The following KCNH5 variants were observed in gnomAD, a reference collection of about 807,000 sequenced individuals.
The protein encoded by KCNH5 is potassium voltage-gated channel subfamily H member 5, also known as voltage-gated delayed rectifier potassium channel KCNH5.
In KCNH5, 46 loss-of-function variants were observed where a neutral mutation model predicts 96.1. The observed-to-expected ratio is 0.48, with a 90% CI of 0.38 to 0.61. The LOEUF is 0.61. Ranked by LOEUF, KCNH5 falls within the 20% of genes least tolerant of loss-of-function variation. The probability of loss-of-function intolerance (pLI) is 0.00; values close to 1 mark genes in which losing one functional copy is unlikely to be tolerated. For missense variants in KCNH5, 907 were observed against 1,225.8 expected (o/e 0.74, Z 3.88); for synonymous variants, 439 against 449.8 (o/e 0.98, Z 0.30).
intron 7 of KCNH5, among the ~76,000 whole-genome samples, chr14:62,874,131 C>A (rs956592013): frequency 4.6e-5 from 7 of 152,024 alleles, no homozygotes; most frequent in African/African-American, 1.7e-4. Flanking sequence ...GAGGTTTTTG[C>A]GGGACACTTT....
At chr14:62,949,998 A>T (rs1043717509) in intron 7 of KCNH5, 135 bp downstream of exon 7, 7 of 697,258 alleles carry the variant, frequency 1.0e-5, no homozygotes, top group African/African-American at 3.6e-5. Context: ...AAGGTAGATT[A>T]AAAAAAACAA....
At chr14:63,010,546 T>G (rs1891206078) in intron 2 of KCNH5, among the ~76,000 whole-genome samples, 1 of 152,176 alleles carries the variant, frequency 6.6e-6, no homozygotes, top group African/African-American at 2.4e-5. Flanking sequence ...CCTGCTCCTG[T>G]ATAATCTGGC....
chr14:63,008,440 C>T (rs1425539684), intron 2 of KCNH5, among the ~76,000 whole-genome samples: 2 of 151,798 alleles, frequency 1.3e-5, no homozygotes, highest in Non-Finnish European at 2.9e-5. Context: ...GATCCAATAG[C>T]AGCACCACAT....
intron 9 of KCNH5, among the ~76,000 whole-genome samples, chr14:62,785,426 G>A (rs1886301385): frequency 6.6e-6 from 1 of 152,138 alleles, no homozygotes; most frequent in African/African-American, 2.4e-5. Context: ...TTCAGGGCTG[G>A]GAACTCCGGT....
intron 7 of KCNH5, among the ~76,000 whole-genome samples, chr14:62,889,571 A>G (rs1012279610): frequency 1.3e-5 from 2 of 152,192 alleles, no homozygotes; most frequent in African/African-American, 4.8e-5. Flanking sequence ...CTGGAGTTTT[A>G]GATGCTGGCC....
intron 7 of KCNH5, among the ~76,000 whole-genome samples, chr14:62,922,235 T>G (rs528223680): frequency 6.6e-6 from 1 of 152,078 alleles, no homozygotes; most frequent in African/African-American, 2.4e-5. Context: ...TATATCTATA[T>G]CTATAGCTCT....
At chr14:62,991,072 C>T (rs1374248130) in intron 4 of KCNH5, among the ~76,000 whole-genome samples, 2 of 151,960 alleles carry the variant, frequency 1.3e-5, no homozygotes, top group Non-Finnish European at 2.9e-5. Flanking sequence ...GGTGGGGACA[C>T]AGAGCCAGAC....
chr14:62,809,596 G>C (rs1010049805), intron 8 of KCNH5, among the ~76,000 whole-genome samples: 1 of 152,060 alleles, frequency 6.6e-6, no homozygotes, highest in Non-Finnish European at 1.5e-5. Flanking sequence ...CTTTAAAAAA[G>C]TCTTATATGA....
intron 7 of KCNH5, among the ~76,000 whole-genome samples, chr14:62,947,097 T>A (rs550908797): frequency 2.2e-4 from 33 of 152,312 alleles, no homozygotes; most frequent in Middle Eastern, 6.8e-3. Context: ...ATATAAGATG[T>A]AATTATTGGA....
In KCNH5 at chr14:62,706,941, C is replaced by T. The variant is rs1389127879; in HGVS notation, c.*567G>A. 1 of 152,172 alleles carries T rather than the reference C, an allele frequency of 6.6e-6. No individual in the cohort carries two copies. Among genetic ancestry groups the T allele is most frequent in the Admixed American group, 6.5e-5 (1 of 15,280 alleles). The allele number at this position is 152,172 out of a possible 1,614,324, so 9.4% of individuals were successfully genotyped here. ...ATAGCAATAAGTTTTCAATATCCCA[C>T]ACTCTTATCTGACTTAGGCAACTAA... On this transcript the variant is annotated 3_prime_UTR_variant, in exon 11 of 11. Coordinates refer to ENST00000322893, the MANE Select transcript of KCNH5 (RefSeq NM_139318.5).
At chr14:62,807,866 T>C (rs540176006) in intron 8 of KCNH5, among the ~76,000 whole-genome samples, 2 of 152,088 alleles carry the variant, frequency 1.3e-5, no homozygotes, top group Non-Finnish European at 2.9e-5. Flanking sequence ...TGTTGTACAA[T>C]TTAAAGGTTG....
At chr14:62,756,587 G>T (rs1206478932) in intron 10 of KCNH5, among the ~76,000 whole-genome samples, 1 of 152,122 alleles carries the variant, frequency 6.6e-6, no homozygotes, top group Non-Finnish European at 1.5e-5. Context: ...GCATGGTACT[G>T]GGATAAAAGC....
At chr14:62,944,535 G>T (rs538816723) in intron 7 of KCNH5, among the ~76,000 whole-genome samples, 3 of 151,926 alleles carry the variant, frequency 2.0e-5, no homozygotes, top group South Asian at 2.1e-4. Flanking sequence ...GGCTATGGCT[G>T]CTAGCACATA....
At chr14:62,963,248 T>C (rs1457290337) in intron 6 of KCNH5, among the ~76,000 whole-genome samples, 1 of 152,160 alleles carries the variant, frequency 6.6e-6, no homozygotes, top group Non-Finnish European at 1.5e-5. Flanking sequence ...AATTAAACTT[T>C]ATCATAGGTA....
chr14:62,994,666 A>T (rs1228083025), intron 4 of KCNH5, among the ~76,000 whole-genome samples: 2 of 152,054 alleles, frequency 1.3e-5, no homozygotes, highest in Non-Finnish European at 2.9e-5. Flanking sequence ...TTTGTGGGGA[A>T]AAAAGAAAGC....
chr14:62,947,625 C>T (rs1889914487), intron 7 of KCNH5, among the ~76,000 whole-genome samples: 1 of 152,014 alleles, frequency 6.6e-6, no homozygotes, highest in South Asian at 2.1e-4. Context: ...CTTTCATGTT[C>T]CAGCAAACGC....
chr14:62,750,447 AG>A (rs1258971375), intron 10 of KCNH5, among the ~76,000 whole-genome samples: 1 of 152,180 alleles, frequency 6.6e-6, no homozygotes, highest in African/African-American at 2.4e-5. Context: ...CAGTATATCT[AG>A]GGTCTGTCAT....
chr14:63,030,617 A>C (rs78830298), intron 1 of KCNH5, among the ~76,000 whole-genome samples: 1,758 of 152,198 alleles, frequency 0.012, 27 homozygotes, highest in African/African-American at 0.03. Flanking sequence ...CCCGTCCCCA[A>C]ATGCCAAAGA....
chr14:62,798,899 T>A (rs1015698246), intron 9 of KCNH5, among the ~76,000 whole-genome samples: 2 of 152,152 alleles, frequency 1.3e-5, no homozygotes, highest in Non-Finnish European at 1.5e-5. Flanking sequence ...TAACCTCCCT[T>A]CTCTACCTTT....
Sources: allele counts gnomAD v4.1 joint callset (sites outside exome capture counted in the v4.1 genomes callset), GRCh38; gene constraint gnomAD v4.1.1; transcripts MANE v1.5; gene names NCBI Gene and HGNC (gene_info 2026-07-23, HGNC 2026-07-21).